The following SLC16A3 variants were observed in gnomAD, a reference collection of about 807,000 sequenced individuals.
SLC16A3 encodes solute carrier family 16 member 3, also known as monocarboxylate transporter 4.
Under a neutral mutation model 25.0 loss-of-function variants are expected in SLC16A3, and 22 were observed. The observed-to-expected ratio is 0.88, with a 90% CI of 0.63 to 1.26. The LOEUF (loss-of-function observed/expected upper bound fraction) is 1.26. Among genes scored for constraint, SLC16A3 ranks in the 50% most tolerant of loss-of-function variants. The pLI is 0.00. For synonymous variants in SLC16A3, 390 were observed against 309.2 expected (o/e 1.26, Z -2.74); for missense variants, 731 against 666.6 (o/e 1.10, Z -1.06).
At chr17:82,225,316 G>A (rs145716882), upstream of SLC16A3, among the ~76,000 whole-genome samples, 2 of 152,264 alleles carry the variant, frequency 1.3e-5, no homozygotes, top group African/African-American at 4.8e-5. Context: ...TCTCTGGGGC[G>A]AGTGAAGGGA....
Position 82,232,547 on chromosome 17 carries a change from A to T in SLC16A3, c.-26-3436A>T, listed in dbSNP as rs140241996. 1.7e-4 allele frequency among the ~76,000 whole-genome samples: 26 copies of T among 152,326 alleles called. No homozygotes were observed. In the East Asian group the frequency reaches 4.8e-3, roughly 28 times the overall value. ...AGGACGGCATTTCGAGCCACCTGGC[A>T]TGGCGTTCCAGGCCTGTGACGGGGC... On this transcript the variant is annotated intron_variant, in intron 1 of 4. Coordinates refer to ENST00000582743, the MANE Select transcript of SLC16A3 (RefSeq NM_004207.4).
At chr17:82,225,417 C>A (rs2050415803), upstream of SLC16A3, among the ~76,000 whole-genome samples, 1 of 152,182 alleles carries the variant, frequency 6.6e-6, no homozygotes, top group Admixed American at 6.5e-5. Context: ...CTGGCTGCAT[C>A]CCCCATCCAG....
intron 1 of SLC16A3, among the ~76,000 whole-genome samples, chr17:82,220,192 C>A (rs756741863): frequency 1.3e-5 from 2 of 152,192 alleles, no homozygotes; most frequent in African/African-American, 2.4e-5. Context: ...GGCTCCACGG[C>A]CACCCCAAAA....
At position 82,238,959 on chromosome 17, in the gene SLC16A3, C is replaced by T; in HGVS notation, c.1381C>T (p.Pro461Ser). 6.5e-7 allele frequency: 1 copy of T among 1,539,518 alleles called. No homozygotes were observed. Among genetic ancestry groups the T allele is most frequent in the Non-Finnish European group, 8.8e-7 (1 of 1,137,386 alleles). Residue 461 changes from proline to serine, a missense_variant, in exon 5 of 5, where the codon CCG becomes TCG. Physicochemically the swap from Pro to Ser is moderately conservative, Grantham distance 74. Coordinates refer to ENST00000582743, the MANE Select transcript of SLC16A3 (RefSeq NM_004207.4). The part of the protein sequence containing the change: ...PEKNGEVVHT[P>S]ETSV Reference sequence around the variant, plus strand: ...GAAAAACGGGGAGGTGGTTCACACCCCGGAAACAAGTGTCTGAGTGGCTGG... The same window carrying T: ...GAAAAACGGGGAGGTGGTTCACACCTCGGAAACAAGTGTCTGAGTGGCTGG...
chr17:82,219,245 G>T (rs1272750474), intron 1 of SLC16A3, among the ~76,000 whole-genome samples: 1 of 152,144 alleles, frequency 6.6e-6, no homozygotes, highest in South Asian at 2.1e-4. Context: ...GCCCTGCTGG[G>T]CCTGCAGGTC....
chr17:82,237,409 C>T lies in SLC16A3; in HGVS notation c.639C>T (p.Pro213=). 1 of 1,566,026 alleles carries T rather than the reference C, an allele frequency of 6.4e-7. No individual in the cohort carries two copies. The highest frequency in any genetic ancestry group is 2.4e-5 in the East Asian group (1 of 42,516). The change falls in exon 4 of 5, where the codon CCC becomes CCT. Residue 213 remains proline (P), a synonymous_variant. Coordinates refer to ENST00000582743, the MANE Select transcript of SLC16A3 (RefSeq NM_004207.4). ...TAQPGSGPPR[P]SRRLLDLSVF... The stretch of plus-strand genomic sequence containing the variant: ...AGCCGGGCTCGGGGCCGCCGCGACC[C>T]TCCCGGCGCCTGCTAGACCTGAGCG...
At chr17:82,219,491 G>C (rs2050375652) in intron 1 of SLC16A3, among the ~76,000 whole-genome samples, 1 of 152,126 alleles carries the variant, frequency 6.6e-6, no homozygotes, top group Admixed American at 6.5e-5. Context: ...GCCGCCCGTA[G>C]GGTCTCGCAG....
At position 82,237,305 on chromosome 17, in the gene SLC16A3, G is replaced by A. The variant is rs374743330; in HGVS notation, c.535G>A (p.Gly179Ser). ...GCAGGACCGCTACGGCTGGCGGGGC[G>A]GCTTCCTCATCCTGGGCGGCCTGCT... is the stretch of plus-strand genomic sequence containing the variant. ...LLQDRYGWRGGFLILGGLLLN... is the reference protein window; with the variant it reads ...LLQDRYGWRGSFLILGGLLLN... Residue 179 changes from glycine (G) to serine (S), a missense_variant, in exon 4 of 5, where the codon GGC becomes AGC. By Grantham distance (56) the Gly-to-Ser change is moderately conservative. Coordinates refer to ENST00000582743, the MANE Select transcript of SLC16A3 (RefSeq NM_004207.4). The A allele has an allele frequency of 4.9e-5, 76 of 1,552,688 alleles. No individual in the cohort carries two copies. Among genetic ancestry groups the A allele is most frequent in the African/African-American group, 2.5e-4 (18 of 73,232 alleles).
chr17:82,223,437 C>T (rs1275750305), upstream of SLC16A3, among the ~76,000 whole-genome samples: 1 of 152,184 alleles, frequency 6.6e-6, no homozygotes, highest in Admixed American at 6.5e-5. Flanking sequence ...GATCTGCCCA[C>T]ACTGGCCTCT....
In SLC16A3 at chr17:82,238,784, G is replaced by C. The variant is rs1376918639; in HGVS notation, c.1206G>C (p.Leu402Phe). Residue 402 changes from leucine (L) to phenylalanine (F), a missense_variant, in exon 5 of 5, where the codon TTG (leucine) becomes TTC (phenylalanine). Coordinates refer to ENST00000582743, the MANE Select transcript of SLC16A3 (RefSeq NM_004207.4). ...AGGTGCTCACCTCCTCCCTGATTTT[G>C]CTGCTGGGCAACTTCTTCTGCATTA... ...GAEVLTSSLI[L>F]LLGNFFCIRK... is the part of the protein sequence containing the mutation. 2 of 1,612,692 alleles carry C rather than the reference G, an allele frequency of 1.2e-6. No homozygotes were observed. Among genetic ancestry groups the C allele is most frequent in the African/African-American group, 2.7e-5 (2 of 74,932 alleles).
chr17:82,224,422 A>AC, upstream of SLC16A3, among the ~76,000 whole-genome samples: 1 of 84,128 alleles, frequency 1.2e-5, no homozygotes. Flanking sequence ...ACACCCCTAC[A>AC]CCTTGCAGTC....
chr17:82,238,804 G>C lies in SLC16A3; in HGVS notation c.1226G>C (p.Cys409Ser), dbSNP rs1292688877. Residue 409 changes from cysteine to serine, a missense_variant, in exon 5 of 5, where the codon TGC becomes TCC. Transcript: ENST00000582743. ...ATTTTGCTGCTGGGCAACTTCTTCTGCATTAGGAAGAAGCCCAAAGAGCCA... is the reference window on the plus strand; with the variant it reads ...ATTTTGCTGCTGGGCAACTTCTTCTCCATTAGGAAGAAGCCCAAAGAGCCA... ...SLILLLGNFF[C>S]IRKKPKEPQP... 6.2e-7 allele frequency: 1 copy of C among 1,612,770 alleles called. No homozygotes were observed. The highest frequency in any genetic ancestry group is 8.5e-7 in the Non-Finnish European group (1 of 1,179,984).
exon 1 of SLC16A3, among the ~76,000 whole-genome samples, chr17:82,218,072 G>C (rs575647294): frequency 6.6e-6 from 1 of 152,204 alleles, no homozygotes; most frequent in East Asian, 1.9e-4. Context: ...GGCTGGGCAC[G>C]AGGCCACAGC....
At chr17:82,227,023 C>A (rs544158295), upstream of SLC16A3, among the ~76,000 whole-genome samples, 60 of 152,306 alleles carry the variant, frequency 3.9e-4, no homozygotes, top group East Asian at 9.6e-3. Flanking sequence ...TGCTGACTGG[C>A]CTGCCTGCTC....
At chr17:82,225,809 T>C (rs959170739), upstream of SLC16A3, among the ~76,000 whole-genome samples, 2 of 152,106 alleles carry the variant, frequency 1.3e-5, no homozygotes, top group Admixed American at 1.3e-4. Context: ...CCCCCGACCC[T>C]GGAAGGTTCC....
Position 82,236,015 on chromosome 17 carries a change from G to A in SLC16A3, c.7G>A (p.Gly3Arg). 1.2e-6 allele frequency: 2 copies of A among 1,611,254 alleles called. No individual in the cohort carries two copies. Among genetic ancestry groups the A allele is most frequent in the Non-Finnish European group, 1.7e-6 (2 of 1,179,448 alleles). Residue 3 changes from glycine (G) to arginine (R), a missense_variant, in exon 2 of 5, where the codon GGG becomes AGG. By Grantham distance (125) the Gly-to-Arg change is moderately radical. Coordinates refer to ENST00000582743, the MANE Select transcript of SLC16A3 (RefSeq NM_004207.4). ...GGAACCAACCCTCCTGGCCATGGGAGGGGCCGTGGTGGACGAGGGCCCCAC... is the reference window on the plus strand; with the variant it reads ...GGAACCAACCCTCCTGGCCATGGGAAGGGCCGTGGTGGACGAGGGCCCCAC... MG[G>R]AVVDEGPTGV...
At chr17:82,225,746 C>T (rs2050417754), upstream of SLC16A3, among the ~76,000 whole-genome samples, 1 of 152,180 alleles carries the variant, frequency 6.6e-6, no homozygotes, top group African/African-American at 2.4e-5. Context: ...CTGCTGGGAT[C>T]TGGAAAATGG....
At chr17:82,227,658 G>GGGAGCACCACCTGCCCTGGGCA, upstream of SLC16A3, among the ~76,000 whole-genome samples, 1 of 23,406 alleles carries the variant, frequency 4.3e-5, no homozygotes, top group African/African-American at 9.2e-5. Context: ...TGCCCTGGGC[G>GGGAGCACCACCTGCCCTGGGCA]GGAGCACCAC....
upstream of SLC16A3, among the ~76,000 whole-genome samples, chr17:82,228,756 G>A (rs1358110060): frequency 6.6e-6 from 1 of 152,080 alleles, no homozygotes; most frequent in African/African-American, 2.4e-5. Flanking sequence ...AAGCGAGCCT[G>A]GACTCCGGGG....
Sources: allele counts gnomAD v4.1 joint callset (sites outside exome capture counted in the v4.1 genomes callset), GRCh38; gene constraint gnomAD v4.1.1; transcripts MANE v1.5; gene names NCBI Gene and HGNC (gene_info 2026-07-23, HGNC 2026-07-21).